Variants in KDM8 observed in about 807,000 individuals in gnomAD.
The protein encoded by KDM8 is lysine demethylase 8.
KDM8 carries 35 observed loss-of-function variants against 46.9 expected under a neutral mutation model. The observed-to-expected ratio is 0.75, with a 90% confidence interval of 0.57 to 0.99. KDM8 has a LOEUF of 0.99. Ranked by LOEUF, KDM8 falls within the 50% of genes least tolerant of loss-of-function variation. The pLI, the probability that KDM8 is intolerant of heterozygous loss-of-function variation, is 0.00. For missense variants in KDM8, 475 were observed against 537.0 expected, an observed-to-expected ratio of 0.88 and a Z score of 1.14; for synonymous variants, 232 against 227.7, an observed-to-expected ratio of 1.02 and a Z score of -0.17.
rs749673756 is a variant in KDM8 at position 27,220,390 on chromosome 16, C to T, written c.994-3C>T. 1.9e-6 allele frequency: 3 copies of T among 1,613,610 alleles called. No individual in the cohort carries two copies. In the South Asian group the frequency reaches 3.3e-5, roughly 18 times the overall value. On this transcript the variant is annotated splice_region_variant and splice_polypyrimidine_tract_variant and intron_variant, in intron 6 of 7. Coordinates refer to ENST00000286096, the MANE Select transcript of KDM8 (RefSeq NM_024773.3). ...AGCTGACTGTCAGGGTCTCTCTCCC[C>T]AGGTGATGGGGAGGAAGTACATCCG...
At chr16:27,206,345 T>C (rs995147407) in intron 1 of KDM8, 2 of 301,244 alleles carry the variant, frequency 6.6e-6, no homozygotes, top group African/African-American at 4.5e-5. Flanking sequence ...AGATCTCAGC[T>C]CACCCCAACC....
chr16:27,213,494 C>G (rs1275519214), intron 2 of KDM8, 91 bp from the exon 3 acceptor site: 3 of 1,364,608 alleles, frequency 2.2e-6, no homozygotes, highest in Non-Finnish European at 3.1e-6. Flanking sequence ...CAGCTAAGCT[C>G]TCCTACCCCT....
Position 27,220,481 on chromosome 16 carries a change from G to A in KDM8, c.1082G>A (p.Ser361Asn). Residue 361 changes from serine to asparagine, a missense_variant, in exon 7 of 8, where the codon AGC becomes AAC. Ser to Asn is a conservative substitution (Grantham distance 46). Coordinates refer to ENST00000286096, the MANE Select transcript of KDM8 (RefSeq NM_024773.3). ...GACACGCACCTTCTCCATAACACGAGCCAGGTGGGCACTGGGGGTCTGGGG... is the reference window on the plus strand; with the variant it reads ...GACACGCACCTTCTCCATAACACGAACCAGGTGGGCACTGGGGGTCTGGGG... ...PHDTHLLHNT[S>N]QVDVENPDLE... 5 of 1,614,196 alleles carry A rather than the reference G, an allele frequency of 3.1e-6. No homozygotes were observed. The highest frequency in any genetic ancestry group is 4.2e-6 in the Non-Finnish European group (5 of 1,180,016).
At chr16:27,209,747 G>C (rs2083462258) in intron 1 of KDM8, among the ~76,000 whole-genome samples, 1 of 152,242 alleles carries the variant, frequency 6.6e-6, no homozygotes, top group Non-Finnish European at 1.5e-5. Flanking sequence ...CACTGTTGGA[G>C]AGTCTTGGCA....
chr16:27,220,081 T>C (rs2083600307), intron 6 of KDM8, among the ~76,000 whole-genome samples: 1 of 151,680 alleles, frequency 6.6e-6, no homozygotes, highest in South Asian at 2.1e-4. Flanking sequence ...ATCAGCTGGG[T>C]GTGGTGGGGC....
chr16:27,221,274 T>G lies in KDM8; in HGVS notation c.*544T>G. On this transcript the variant is annotated 3_prime_UTR_variant, in exon 8 of 8. Coordinates refer to ENST00000286096, the MANE Select transcript of KDM8 (RefSeq NM_024773.3). ...CACTGATCCCAATTACTCTGATCCT[T>G]TTGCCCTTCCTTCCCATAACGGCCT... 1 of 231,756 alleles carries G rather than the reference T, an allele frequency of 4.3e-6. No homozygotes were observed. 14.4% of individuals were successfully genotyped at this position (231,756 alleles called of 1,614,324 possible).
rs778880362 is a variant in KDM8, at chr16:27,215,956, C to T, written c.810C>T (p.Val270=). ...CCCCGGTGGATTAGCCAAGGGACGT[C>T]GGGTACCTTGCTCAGCACCAGCTCT... is the stretch of plus-strand genomic sequence containing the variant. ...SKYIVNEPRD[V]GYLAQHQLFD... The change falls in exon 5 of 8, where the codon GTC becomes GTT. Residue 270 remains valine, a synonymous_variant. Coordinates refer to ENST00000286096, the MANE Select transcript of KDM8 (RefSeq NM_024773.3). 24 of 1,614,040 alleles carry T rather than the reference C, an allele frequency of 1.5e-5. No individual in the cohort carries two copies. The highest frequency in any genetic ancestry group is 1.1e-4 in the African/African-American group (8 of 74,902).
chr16:27,211,068 C>T (rs1029648083), intron 2 of KDM8: 16 of 448,090 alleles, frequency 3.6e-5, no homozygotes, highest in African/African-American at 6.1e-5. Flanking sequence ...TGTGAGCCAC[C>T]GTGCTCAGCC....
chr16:27,210,652 T>G, intron 2 of KDM8, 31 bp downstream of exon 2: 3 of 1,491,718 alleles, frequency 2.0e-6, no homozygotes, highest in Non-Finnish European at 2.7e-6. Flanking sequence ...CCAAGCACAC[T>G]AGCCATCCAG....
At chr16:27,212,175 A>G (rs1178329953) in intron 2 of KDM8, among the ~76,000 whole-genome samples, 1 of 152,236 alleles carries the variant, frequency 6.6e-6, no homozygotes, top group Non-Finnish European at 1.5e-5. Context: ...ACTGTTCACA[A>G]GAAGGAAATA....
In KDM8 at chr16:27,210,263, C is replaced by T; in HGVS notation, c.140C>T (p.Thr47Ile). 1 of 1,613,210 alleles carries T rather than the reference C, an allele frequency of 6.2e-7. No homozygotes were observed. Among genetic ancestry groups the T allele is most frequent in the Admixed American group, 1.7e-5 (1 of 60,034 alleles). Residue 47 changes from threonine (T) to isoleucine (I), a missense_variant, in exon 2 of 8, where the codon ACA becomes ATA. Physicochemically the swap from Thr to Ile is moderately conservative, Grantham distance 89. Coordinates refer to ENST00000286096, the MANE Select transcript of KDM8 (RefSeq NM_024773.3). ...LGEKVERSVV[T>I]LLQRATELFY... ...GAGAAAGTGGAGAGGAGCGTGGTGA[C>T]ATTGTTGCAGCGAGCCACTGAGCTC...
chr16:27,220,551 C>T lies in KDM8; in HGVS notation c.1087-15C>T, dbSNP rs752763725. 8 of 1,614,100 alleles carry T rather than the reference C, an allele frequency of 5.0e-6. No homozygotes were observed. The highest frequency in any genetic ancestry group is 6.8e-6 in the Non-Finnish European group (8 of 1,180,052). On this transcript the variant is annotated splice_polypyrimidine_tract_variant and intron_variant, in intron 7 of 7. Coordinates refer to ENST00000286096, the MANE Select transcript of KDM8 (RefSeq NM_024773.3). ...CACTGCCCCTGGAGATGATGACGTC[C>T]TTTGCTTTCTTCAGGTTGACGTGGA... is the stretch of plus-strand genomic sequence containing the variant.
intron 1 of KDM8, among the ~76,000 whole-genome samples, chr16:27,207,949 C>T (rs559441418): frequency 6.6e-6 from 1 of 152,308 alleles, no homozygotes; most frequent in South Asian, 2.1e-4. Context: ...ATCTGAAAAG[C>T]CATTTTGAAA....
At chr16:27,211,121 CTTTTT>C (rs370003010) in intron 2 of KDM8, 317 of 399,320 alleles carry the variant, frequency 7.9e-4, no homozygotes, top group South Asian at 1.0e-3. Flanking sequence ...CATTTTCTCT[CTTTTT>C]TTTTTTTTTT....
At chr16:27,218,309 A>G (rs971277650) in intron 5 of KDM8, among the ~76,000 whole-genome samples, 1 of 152,134 alleles carries the variant, frequency 6.6e-6, no homozygotes, top group Non-Finnish European at 1.5e-5. Flanking sequence ...AAATAAATAA[A>G]GGAGGCCAGG....
intron 2 of KDM8, 126 bp downstream of exon 2, chr16:27,210,747 A>G: frequency 1.1e-6 from 1 of 910,934 alleles, no homozygotes; most frequent in Non-Finnish European, 1.6e-6. Context: ...GGAAAACAGC[A>G]TTGCCATTGA....
chr16:27,220,925 C>A lies in KDM8; in HGVS notation c.*195C>A. 1 of 689,576 alleles carries A rather than the reference C, an allele frequency of 1.5e-6. No individual in the cohort carries two copies. Among genetic ancestry groups the A allele is most frequent in the Non-Finnish European group, 2.6e-6 (1 of 385,334 alleles). 42.7% of individuals were successfully genotyped at this position (689,576 alleles called of 1,614,324 possible). ...AGCAGGGGCTGCCCAGGAAGGAGCA[C>A]ACTCCAGGCCAGGGGTGCATGGCAG... On this transcript the variant is annotated 3_prime_UTR_variant, in exon 8 of 8. Transcript: ENST00000286096.
intron 1 of KDM8, chr16:27,204,447 C>G: frequency 1.0e-6 from 1 of 968,384 alleles, no homozygotes; most frequent in South Asian, 3.6e-5. Context: ...CCAAACTTTC[C>G]TGGGAAGTTT....
chr16:27,216,207 T>A, intron 5 of KDM8: 1 of 593,944 alleles, frequency 1.7e-6, no homozygotes. Flanking sequence ...GGGGCTGCTA[T>A]TCAGAGATGA....
Sources: gnomAD v4.1 joint callset for allele counts (sites outside exome capture counted in the v4.1 genomes callset) on GRCh38, gnomAD v4.1.1 for gene constraint, MANE v1.5 for transcripts, NCBI Gene and HGNC (gene_info 2026-07-23, HGNC 2026-07-21) for gene names.